Variants in PGM3 observed in about 807,000 individuals in gnomAD.
The protein encoded by PGM3 is phosphoglucomutase 3, also known as phosphoacetylglucosamine mutase.
In PGM3, 40 loss-of-function variants were observed where a neutral mutation model predicts 66.2. That is an observed-to-expected ratio of 0.60 (90% CI 0.47 to 0.79). The LOEUF is 0.79. Ranked by LOEUF, PGM3 falls within the 30% of genes least tolerant of loss-of-function variation. PGM3 has a pLI of 0.00. For missense variants in PGM3, 537 were observed against 643.4 expected (o/e 0.83, Z 1.79); for synonymous variants, 191 against 224.2 (o/e 0.85, Z 1.32).
Position 83,186,990 on chromosome 6 carries a change from C to A in PGM3, c.457+18G>T. On this transcript the variant is annotated intron_variant, in intron 4 of 12. Coordinates refer to ENST00000513973, the MANE Select transcript of PGM3 (RefSeq NM_015599.3). ...TTTTAAATATTAGTTTAATTTCCAA[C>A]TCAGGATAACTACATACCATGGAAT... 1 of 1,372,032 alleles carries A rather than the reference C, an allele frequency of 7.3e-7. No individual in the cohort carries two copies. Among genetic ancestry groups the A allele is most frequent in the Admixed American group, 2.0e-5 (1 of 48,942 alleles). The allele number at this position is 1,372,032 out of a possible 1,614,324, so 85.0% of individuals were successfully genotyped here. A position where few individuals can be genotyped will look rare whatever the true frequency, so the allele number is the denominator to read the frequency against.
intron 11 of PGM3, chr6:83,170,750 A>AT: frequency 3.6e-6 from 1 of 280,502 alleles, no homozygotes; most frequent in Non-Finnish European, 6.7e-6. Flanking sequence ...ACTAAGTCCC[A>AT]TATCACACAC....
chr6:83,169,253 C>A lies in PGM3; in HGVS notation c.1610G>T (p.Arg537Met), dbSNP rs1583239543. 1.2e-6 allele frequency: 2 copies of A among 1,614,060 alleles called. No individual in the cohort carries two copies. The highest frequency in any genetic ancestry group is 1.7e-6 in the Non-Finnish European group (2 of 1,179,950). The change falls in exon 13 of 13, where the codon AGG (arginine) becomes ATG (methionine). Residue 537 changes from arginine to methionine, a missense_variant. By Grantham distance (91) the Arg-to-Met change is moderately conservative (BLOSUM62 -1). Coordinates refer to ENST00000513973, the MANE Select transcript of PGM3 (RefSeq NM_015599.3). ...VFQLAGGIGE[R>M]PQPGF The stretch of plus-strand genomic sequence containing the variant: ...TTATCTTCAGAAACCTGGTTGGGGC[C>A]TTTCTCCAATTCCTCCAGCCAGCTG...
chr6:83,173,456 A>G (rs1284371323), intron 10 of PGM3, among the ~76,000 whole-genome samples: 1 of 152,164 alleles, frequency 6.6e-6, no homozygotes. Flanking sequence ...ACAATGATTG[A>G]TAGAAAGCAT....
At chr6:83,162,163 A>G (rs1784380290), downstream of PGM3, among the ~76,000 whole-genome samples, 1 of 152,182 alleles carries the variant, frequency 6.6e-6, no homozygotes, top group African/African-American at 2.4e-5. Context: ...AGCTGACAAC[A>G]TTGATGAATC....
rs1392338481 is a variant in PGM3, at chr6:83,168,128, G to A, written c.*1106C>T. Reference sequence around the variant, plus strand: ...AAGCCAGGCAAAAAATAGAAGAGATGGTAGAAAAAGATTTTCTGGAAGGGA... The same window carrying A: ...AAGCCAGGCAAAAAATAGAAGAGATAGTAGAAAAAGATTTTCTGGAAGGGA... On this transcript the variant is annotated 3_prime_UTR_variant, in exon 13 of 13. Coordinates refer to ENST00000513973, the MANE Select transcript of PGM3 (RefSeq NM_015599.3). 6.2e-7 allele frequency: 1 copy of A among 1,612,912 alleles called. No homozygotes were observed. The highest frequency in any genetic ancestry group is 8.5e-7 in the Non-Finnish European group (1 of 1,179,652).
At chr6:83,158,495 T>C (rs1783383508), downstream of PGM3, 1 of 1,178,332 alleles carries the variant, frequency 8.5e-7, no homozygotes, top group Non-Finnish European at 1.2e-6. Flanking sequence ...TTAATGAAAA[T>C]ACAACTTAAA....
At chr6:83,186,307 TG>T (rs1391548127) in intron 4 of PGM3, among the ~76,000 whole-genome samples, 2 of 152,046 alleles carry the variant, frequency 1.3e-5, no homozygotes, top group Non-Finnish European at 2.9e-5. Flanking sequence ...TGCAGAAAGC[TG>T]AAGAATGACA....
At chr6:83,183,752 G>C (rs1453539238) in intron 4 of PGM3, among the ~76,000 whole-genome samples, 1 of 151,718 alleles carries the variant, frequency 6.6e-6, no homozygotes, top group Non-Finnish European at 1.5e-5. Flanking sequence ...TTGAGACGGA[G>C]TTTCACCGTA....
intron 10 of PGM3, among the ~76,000 whole-genome samples, 180 bp downstream of exon 10, chr6:83,174,194 A>G (rs989045490): frequency 6.6e-6 from 1 of 152,224 alleles, no homozygotes; most frequent in Non-Finnish European, 1.5e-5. Flanking sequence ...AGGGAAGCAT[A>G]TTAAAAAATG....
intron 2 of PGM3, among the ~76,000 whole-genome samples, chr6:83,189,980 T>TA (rs1459370339): frequency 3.3e-5 from 5 of 151,392 alleles, no homozygotes; most frequent in Non-Finnish European, 3.0e-5. Context: ...GGCTAGAGGG[T>TA]AAGGGAAATG....
At chr6:83,178,566 C>G in intron 8 of PGM3, 107 bp downstream of exon 8, 1 of 724,084 alleles carries the variant, frequency 1.4e-6, no homozygotes, top group East Asian at 2.5e-5. Flanking sequence ...TGAACAGCAG[C>G]TCAGCTTCAT....
chr6:83,178,810 C>T (rs1465239913), intron 7 of PGM3, 54 bp from the exon 8 acceptor site: 3 of 1,032,284 alleles, frequency 2.9e-6, no homozygotes, highest in Non-Finnish European at 3.1e-6. Context: ...TCTACAAAAA[C>T]AAATATAATG....
At chr6:83,162,169 GAA>G (rs1392765716), downstream of PGM3, among the ~76,000 whole-genome samples, 1 of 152,118 alleles carries the variant, frequency 6.6e-6, no homozygotes, top group Non-Finnish European at 1.5e-5. Flanking sequence ...CAACATTGAT[GAA>G]TCCTATGCGG....
intron 6 of PGM3, 92 bp downstream of exon 6, chr6:83,181,644 G>T: frequency 1.2e-6 from 1 of 851,012 alleles, no homozygotes; most frequent in Non-Finnish European, 1.9e-6. Context: ...ATAGCTGCAA[G>T]ATTCTTAACT....
intron 7 of PGM3, 43 bp from the exon 8 acceptor site, chr6:83,178,799 G>A (rs1228102750): frequency 1.8e-6 from 2 of 1,120,870 alleles, no homozygotes; most frequent in South Asian, 1.2e-5. Flanking sequence ...CAAAAGTATG[G>A]TCTACAAAAA....
At chr6:83,159,016 T>A (rs664153), downstream of PGM3, among the ~76,000 whole-genome samples, 29,086 of 152,172 alleles carry the variant, frequency 0.19, 2,864 homozygotes, top group Non-Finnish European at 0.22. Flanking sequence ...AATATACTTT[T>A]ATTCTTTTTA....
chr6:83,192,734 T>A (rs1481671571), intron 1 of PGM3, among the ~76,000 whole-genome samples: 2 of 152,048 alleles, frequency 1.3e-5, no homozygotes, highest in Admixed American at 6.5e-5. Flanking sequence ...TATGAGTTCA[T>A]CCTTTCATGC....
Position 83,190,798 on chromosome 6 carries a change from A to G in PGM3, c.204+11T>C. On this transcript the variant is annotated intron_variant, in intron 2 of 12. Transcript: ENST00000513973. ...TAATGGTCTGCTTTATCAGGGCACT[A>G]AACCCATTACCTCAGGATTGTGGGA... 1 of 1,604,560 alleles carries G rather than the reference A, an allele frequency of 6.2e-7. No individual in the cohort carries two copies. Among genetic ancestry groups the G allele is most frequent in the Non-Finnish European group, 8.5e-7 (1 of 1,171,268 alleles).
At chr6:83,191,959 A>AAAAAAAAAAAAC (rs36018291) in intron 1 of PGM3, among the ~76,000 whole-genome samples, 2 of 66,966 alleles carry the variant, frequency 3.0e-5, no homozygotes, top group Non-Finnish European at 7.0e-5. Context: ...ACTCGGTCTC[A>AAAAAAAAAAAAC]AAAAAAAAAA....
Sources: gnomAD v4.1 joint callset for allele counts (sites outside exome capture counted in the v4.1 genomes callset) on GRCh38, gnomAD v4.1.1 for gene constraint, MANE v1.5 for transcripts, NCBI Gene and HGNC (gene_info 2026-07-23, HGNC 2026-07-21) for gene names.